Variants in VAMP4 observed in about 807,000 individuals in gnomAD.
The protein encoded by VAMP4 is vesicle-associated membrane protein 4.
A neutral mutation model predicts 23.5 loss-of-function variants in VAMP4; 19 were observed. The observed-to-expected ratio is 0.81, with a 90% CI of 0.56 to 1.19. The LOEUF (loss-of-function observed/expected upper bound fraction) is 1.19. VAMP4 is among the 50% of genes most tolerant of loss of function. The probability of loss-of-function intolerance (pLI) is 0.00; values close to 1 mark genes in which losing one functional copy is unlikely to be tolerated. For synonymous variants in VAMP4, 31 were observed against 51.0 expected (o/e 0.61, Z 1.67); for missense variants, 145 against 168.6 (o/e 0.86, Z 0.78).
intron 3 of VAMP4, among the ~76,000 whole-genome samples, chr1:171,723,463 C>G (rs1328286674): frequency 6.6e-6 from 1 of 152,198 alleles, no homozygotes. Context: ...AATGCATTCT[C>G]TTTCTCAGGA....
intron 1 of VAMP4, among the ~76,000 whole-genome samples, chr1:171,739,434 T>A (rs558096495): frequency 6.6e-6 from 1 of 152,216 alleles, no homozygotes; most frequent in Non-Finnish European, 1.5e-5. Flanking sequence ...GCTGTTGATC[T>A]CTATCCTTTA....
chr1:171,734,066 G>A (rs373495263), intron 2 of VAMP4, among the ~76,000 whole-genome samples: 2 of 151,956 alleles, frequency 1.3e-5, no homozygotes, highest in East Asian at 3.9e-4. Context: ...TCAGGAGTTC[G>A]AGACTAGCCT....
In VAMP4 at chr1:171,738,387, T is replaced by C. The variant is rs1655811698; in HGVS notation, c.28A>G (p.Asn10Asp). 6.2e-7 allele frequency: 1 copy of C among 1,613,990 alleles called. No individual in the cohort carries two copies. The highest frequency in any genetic ancestry group is 8.5e-7 in the Non-Finnish European group (1 of 1,179,962). The change falls in exon 2 of 8, where the codon AAT becomes GAT. Residue 10 changes from asparagine (N) to aspartate (D), a missense_variant. Transcript: ENST00000236192. Reference protein sequence around the residue: MPPKFKRHLNDDDVTGSVKS... With the variant: MPPKFKRHLDDDDVTGSVKS... Reference sequence around the variant, plus strand: ...ACAGAACCTGTGACATCATCATCATTGAGGTGGCGCTTAAACTTGGGAGGC... The same window carrying C: ...ACAGAACCTGTGACATCATCATCATCGAGGTGGCGCTTAAACTTGGGAGGC...
rs758663119 is a variant in VAMP4, at chr1:171,728,475, T to A, written c.113+49A>T. ...ATACAGTATATTTTAGATATATGCA[T>A]GTATTGTATGTCAATTACACCCTAA... On this transcript the variant is annotated intron_variant, in intron 3 of 7. Coordinates refer to ENST00000236192, the MANE Select transcript of VAMP4 (RefSeq NM_003762.5). 4 of 1,418,906 alleles carry A rather than the reference T, an allele frequency of 2.8e-6. No individual in the cohort carries two copies. The South Asian group carries it at 5.4e-5, about 19-fold the overall frequency. 87.9% of individuals were successfully genotyped at this position (1,418,906 alleles called of 1,614,324 possible).
At chr1:171,740,055 T>C (rs1572259298) in intron 1 of VAMP4, among the ~76,000 whole-genome samples, 1 of 152,254 alleles carries the variant, frequency 6.6e-6, no homozygotes, top group East Asian at 1.9e-4. Context: ...GTGATACACA[T>C]GCATTTTCTT....
At chr1:171,712,139 G>A (rs1329573702) in intron 4 of VAMP4, among the ~76,000 whole-genome samples, 2 of 151,942 alleles carry the variant, frequency 1.3e-5, no homozygotes, top group Non-Finnish European at 1.5e-5. Flanking sequence ...TGTCATTAAG[G>A]GTCCATGATG....
rs1253737025 is a variant in VAMP4, at chr1:171,701,770, T to C, written c.*2736A>G. On this transcript the variant is annotated 3_prime_UTR_variant, in exon 8 of 8. Coordinates refer to ENST00000236192, the MANE Select transcript of VAMP4 (RefSeq NM_003762.5). ...AAGAAATCCCCCAGTTTATAAAATC[T>C]GAGGGCAATTTCCAGTGAACTTTGT... 1 of 152,128 alleles carries C rather than the reference T, an allele frequency of 6.6e-6. No homozygotes were observed. Among genetic ancestry groups the C allele is most frequent in the Non-Finnish European group, 1.5e-5 (1 of 67,984 alleles). The allele number at this position is 152,128 out of a possible 1,614,324, so 9.4% of individuals were successfully genotyped here. A position where few individuals can be genotyped will look rare whatever the true frequency, so the allele number is the denominator to read the frequency against.
intron 4 of VAMP4, among the ~76,000 whole-genome samples, chr1:171,716,351 C>T (rs78213404): frequency 0.17 from 26,223 of 152,110 alleles, 2,358 homozygotes; most frequent in Middle Eastern, 0.24. Context: ...ATAAATGAAA[C>T]CTTAACTTCT....
intron 7 of VAMP4, among the ~76,000 whole-genome samples, chr1:171,705,381 G>T (rs1253037004): frequency 6.6e-6 from 1 of 152,054 alleles, no homozygotes; most frequent in Non-Finnish European, 1.5e-5. Flanking sequence ...TTTAAACAGT[G>T]AAATCACCAA....
intron 1 of VAMP4, among the ~76,000 whole-genome samples, chr1:171,739,889 G>A (rs1236684216): frequency 2.0e-5 from 3 of 152,206 alleles, no homozygotes; most frequent in Non-Finnish European, 4.4e-5. Context: ...GAAAATGCTT[G>A]TGTATGCAAC....
chr1:171,721,561 A>G (rs1655195936), intron 3 of VAMP4, among the ~76,000 whole-genome samples: 4 of 151,976 alleles, frequency 2.6e-5, no homozygotes. Context: ...AGCATCAGAA[A>G]TTATGAAAAT....
At chr1:171,731,761 TA>T (rs1224078330) in intron 2 of VAMP4, among the ~76,000 whole-genome samples, 1 of 152,058 alleles carries the variant, frequency 6.6e-6, no homozygotes, top group Non-Finnish European at 1.5e-5. Context: ...GAAATTCACC[TA>T]AAACAAATAC....
At chr1:171,704,775 G>T (rs1198465312) in intron 7 of VAMP4, among the ~76,000 whole-genome samples, 1 of 151,900 alleles carries the variant, frequency 6.6e-6, no homozygotes, top group African/African-American at 2.4e-5. Flanking sequence ...GCTTGTATCT[G>T]CTGTTAAAAT....
At position 171,709,542 on chromosome 1, in the gene VAMP4, T is replaced by C. The variant is rs1654776192; in HGVS notation, c.345+123A>G. On this transcript the variant is annotated intron_variant, in intron 6 of 7. Transcript: ENST00000236192. ...AAGTATTTACTGAATTTCTACCATGTCTCAGGACAGTTATAGGCCCTGTTC... is the reference window on the plus strand; with the variant it reads ...AAGTATTTACTGAATTTCTACCATGCCTCAGGACAGTTATAGGCCCTGTTC... 7 of 770,882 alleles carry C rather than the reference T, an allele frequency of 9.1e-6. No homozygotes were observed. In the East Asian group the frequency reaches 1.5e-4, roughly 17 times the overall value. 47.8% of individuals were successfully genotyped at this position (770,882 alleles called of 1,614,324 possible).
At chr1:171,734,964 C>G (rs1267958861) in intron 2 of VAMP4, among the ~76,000 whole-genome samples, 2 of 151,814 alleles carry the variant, frequency 1.3e-5, no homozygotes, top group African/African-American at 4.8e-5. Context: ...TTTTCCTGCC[C>G]TTGTTATTAG....
At chr1:171,707,507 T>C (rs995227314) in intron 6 of VAMP4, among the ~76,000 whole-genome samples, 26 of 152,134 alleles carry the variant, frequency 1.7e-4, no homozygotes, top group African/African-American at 6.3e-4. Context: ...TCCTTTTTCT[T>C]AAAACCCTTC....
intron 1 of VAMP4, among the ~76,000 whole-genome samples, chr1:171,740,393 C>T (rs1655888544): frequency 6.6e-6 from 1 of 152,178 alleles, no homozygotes; most frequent in Non-Finnish European, 1.5e-5. Context: ...AAAGAATAAT[C>T]CCAGGATCTG....
Position 171,703,471 on chromosome 1 carries a change from A to C in VAMP4, c.*1035T>G, listed in dbSNP as rs192268302. 2.6e-3 allele frequency: 291 copies of C among 113,244 alleles called. 2 individuals carry two copies. Among genetic ancestry groups the C allele is most frequent in the African/African-American group, 8.3e-3 (248 of 29,962 alleles). The allele number at this position is 113,244 out of a possible 1,614,324, so 7.0% of individuals were successfully genotyped here. On this transcript the variant is annotated 3_prime_UTR_variant, in exon 8 of 8. Coordinates refer to ENST00000236192, the MANE Select transcript of VAMP4 (RefSeq NM_003762.5). ...TATATATATATATATATATATATAC[A>C]CATAGGTTCCTGACTTTCTACTACT...
intron 4 of VAMP4, among the ~76,000 whole-genome samples, chr1:171,716,320 T>C (rs1317125043): frequency 6.6e-6 from 1 of 152,214 alleles, no homozygotes; most frequent in Non-Finnish European, 1.5e-5. Context: ...GTAATCCTGC[T>C]AAAAGTTCCT....
Sources: allele counts gnomAD v4.1 joint callset (sites outside exome capture counted in the v4.1 genomes callset), GRCh38; gene constraint gnomAD v4.1.1; transcripts MANE v1.5; gene names NCBI Gene and HGNC (gene_info 2026-07-23, HGNC 2026-07-21).